Variants in FLT1 observed in about 807,000 individuals in gnomAD.
FLT1 encodes fms related receptor tyrosine kinase 1.
FLT1 carries 49 observed loss-of-function variants against 156.3 expected under a neutral mutation model. The observed-to-expected ratio is 0.31, with a 90% CI of 0.25 to 0.40. The LOEUF is 0.40. Among genes scored for constraint, FLT1 ranks in the 10% least tolerant of loss-of-function variants. The probability of loss-of-function intolerance (pLI) is 1.00; values close to 1 mark genes in which losing one functional copy is unlikely to be tolerated. For synonymous variants in FLT1, 594 were observed against 583.8 expected (o/e 1.02, Z -0.25); for missense variants, 1,322 against 1,637.2 (o/e 0.81, Z 3.32).
chr13:28,346,402 C>T (rs1565980018), intron 15 of FLT1: 1 of 152,156 alleles, frequency 6.6e-6, no homozygotes, highest in East Asian at 1.9e-4. Flanking sequence ...AAAGTAATGC[C>T]TTTATCCTTT....
In FLT1 at chr13:28,474,507, C is replaced by CACACACACACACACACAGACACACAG. The variant is rs1193451656; in HGVS notation, c.65-6891_65-6890insCTGTGTGTCTGTGTGTGTGTGTGTGT. 4.0e-3 allele frequency among the ~76,000 whole-genome samples: 605 copies of CACACACACACACACACAGACACACAG among 150,668 alleles called. 9 individuals carry two copies. Among genetic ancestry groups the CACACACACACACACACAGACACACAG allele is most frequent in the African/African-American group, 0.014 (566 of 40,282 alleles). On this transcript the variant is annotated intron_variant, in intron 1 of 29. Transcript: ENST00000282397. ...ACAGACACACACACACACACACACA[C>CACACACACACACACACAGACACACAG]ACACACACACACACACAAACCCCAC...
intron 18 of FLT1, among the ~76,000 whole-genome samples, chr13:28,332,492 T>A (rs538577188): frequency 6.6e-6 from 1 of 152,254 alleles, no homozygotes; most frequent in South Asian, 2.1e-4. Flanking sequence ...CACCTATCTC[T>A]AGGTTGGATA....
intron 14 of FLT1, among the ~76,000 whole-genome samples, chr13:28,363,694 AC>A (rs1873190237): frequency 6.6e-6 from 1 of 151,732 alleles, no homozygotes; most frequent in African/African-American, 2.4e-5. Flanking sequence ...GTTCACTGCA[AC>A]CTTTGCCTCC....
intron 11 of FLT1, among the ~76,000 whole-genome samples, chr13:28,400,943 A>G (rs1294641771): frequency 6.6e-6 from 1 of 152,206 alleles, no homozygotes; most frequent in African/African-American, 2.4e-5. Context: ...TTAGACTATT[A>G]GGCCTGATGC....
chr13:28,444,821 G>A (rs1007582216), intron 3 of FLT1, among the ~76,000 whole-genome samples: 3 of 129,366 alleles, frequency 2.3e-5, no homozygotes, highest in African/African-American at 9.0e-5. Flanking sequence ...TGGTATGAAT[G>A]TAAATGAAGA....
At position 28,412,350 on chromosome 13, in the gene FLT1, C is replaced by CTTTCT. The variant is rs71086853; in HGVS notation, c.1437-6457_1437-6456insAGAAA. ...CTTTCTTTTCTTTCTTTCTTTCTTT[C>CTTTCT]TCTTTCTTTCTTTCTTTCTTTCTTT... On this transcript the variant is annotated intron_variant, in intron 10 of 29. Coordinates refer to ENST00000282397, the MANE Select transcript of FLT1 (RefSeq NM_002019.4). Among the ~76,000 whole-genome samples the CTTTCT allele has an allele frequency of 2.0e-4, 19 of 93,810 alleles. 1 individual carries two copies. The highest frequency in any genetic ancestry group is 3.4e-4 in the Non-Finnish European group (15 of 44,082). The allele number at this position is 93,810 out of a possible 152,430, so 61.5% of individuals were successfully genotyped here.
At chr13:28,359,757 A>G (rs1487761786) in intron 14 of FLT1, among the ~76,000 whole-genome samples, 2 of 152,244 alleles carry the variant, frequency 1.3e-5, no homozygotes, top group Non-Finnish European at 2.9e-5. Flanking sequence ...AAAAGAAGAC[A>G]GATGGCCAAC....
rs556086179 is a variant in FLT1 at position 28,398,526 on chromosome 13, C to T, written c.1552-1458G>A. 3.9e-5 allele frequency among the ~76,000 whole-genome samples: 6 copies of T among 152,314 alleles called. No homozygotes were observed. The East Asian group carries it at 1.2e-3, about 29-fold the overall frequency. ...TCTACAGATCAGGAAGACTTAAACA[C>T]ATGTTCCTCATGTTTTTAGCCAGCA... On this transcript the variant is annotated intron_variant, in intron 11 of 29. Transcript: ENST00000282397.
At chr13:28,428,061 C>A (rs1877453889) in intron 8 of FLT1, 140 bp from the exon 9 acceptor site, 3 of 720,742 alleles carry the variant, frequency 4.2e-6, no homozygotes. Flanking sequence ...AAAATGTAGG[C>A]ATTAACTTTT....
intron 11 of FLT1, among the ~76,000 whole-genome samples, chr13:28,402,549 C>T (rs1342644948): frequency 6.6e-6 from 1 of 151,082 alleles, no homozygotes; most frequent in East Asian, 1.9e-4. Flanking sequence ...GGGATATGTA[C>T]CATATATATA....
At chr13:28,372,158 T>G (rs1873634446) in intron 14 of FLT1, among the ~76,000 whole-genome samples, 1 of 144,510 alleles carries the variant, frequency 6.9e-6, no homozygotes. Context: ...CTTGGCTCAC[T>G]GCAACCTCTG....
At chr13:28,473,761 G>A (rs1244762852) in intron 1 of FLT1, among the ~76,000 whole-genome samples, 3 of 87,392 alleles carry the variant, frequency 3.4e-5, no homozygotes, top group Admixed American at 1.2e-4. Context: ...AAGGAAGGAA[G>A]GAAGGAAGGA....
intron 10 of FLT1, among the ~76,000 whole-genome samples, chr13:28,419,091 A>C (rs1876833091): frequency 6.6e-6 from 1 of 152,220 alleles, no homozygotes; most frequent in Admixed American, 6.5e-5. Context: ...ATTGCATTCA[A>C]GGTGGCAAAA....
chr13:28,319,639 C>T, intron 23 of FLT1, 105 bp from the exon 24 acceptor site: 1 of 716,176 alleles, frequency 1.4e-6, no homozygotes, highest in South Asian at 1.5e-5. Flanking sequence ...GCCTATAAAT[C>T]ATTTCCGAGA....
At chr13:28,377,598 G>A (rs1873894883) in intron 14 of FLT1, among the ~76,000 whole-genome samples, 1 of 152,202 alleles carries the variant, frequency 6.6e-6, no homozygotes, top group Non-Finnish European at 1.5e-5. Context: ...TCAGATTTCA[G>A]TTTTCTTGTT....
intron 14 of FLT1, among the ~76,000 whole-genome samples, chr13:28,362,136 G>T (rs2137416829): frequency 6.6e-6 from 1 of 152,238 alleles, no homozygotes; most frequent in African/African-American, 2.4e-5. Context: ...ACTGGATACA[G>T]CAATAGAAAA....
At chr13:28,372,048 G>GTGTGTGTGTGTGTA (rs1288888215) in intron 14 of FLT1, among the ~76,000 whole-genome samples, 1 of 75,584 alleles carries the variant, frequency 1.3e-5, no homozygotes, top group Non-Finnish European at 2.4e-5. Flanking sequence ...GTGTGTGTGT[G>GTGTGTGTGTGTGTA]TATATATATA....
chr13:28,456,437 TAC>T (rs1879267989), intron 3 of FLT1, among the ~76,000 whole-genome samples: 2 of 152,164 alleles, frequency 1.3e-5, no homozygotes, highest in African/African-American at 4.8e-5. Context: ...CTGAAAAGGC[TAC>T]ATACTGTATG....
chr13:28,311,501 T>G (rs1025426391), intron 27 of FLT1, 89 bp downstream of exon 27: 5 of 1,127,166 alleles, frequency 4.4e-6, no homozygotes, highest in Non-Finnish European at 6.5e-6. Context: ...TTTCTTTCTC[T>G]CTTTCGTCTT....
Sources: gnomAD v4.1 joint callset for allele counts (sites outside exome capture counted in the v4.1 genomes callset) on GRCh38, gnomAD v4.1.1 for gene constraint, MANE v1.5 for transcripts, NCBI Gene and HGNC (gene_info 2026-07-23, HGNC 2026-07-21) for gene names.